Variants in POLR1H observed in about 807,000 individuals in gnomAD.
POLR1H encodes the protein RNA polymerase I subunit H.
In POLR1H, 5 loss-of-function variants were observed where a neutral mutation model predicts 15.8. The observed-to-expected ratio is 0.32, with a 90% CI of 0.17 to 0.67. The LOEUF is 0.67. POLR1H is among the 30% of genes least tolerant of loss of function. The pLI, the probability that POLR1H is intolerant of heterozygous loss-of-function variation, is 0.74. For synonymous variants in POLR1H, 43 were observed against 58.3 expected, an observed-to-expected ratio of 0.74 and a Z score of 1.20; for missense variants, 100 against 163.4, an observed-to-expected ratio of 0.61 and a Z score of 2.11.
intron 3 of POLR1H, 32 bp downstream of exon 3, chr6:30,062,365 C>G: frequency 6.9e-7 from 1 of 1,443,680 alleles, no homozygotes; most frequent in Non-Finnish European, 9.7e-7. Context: ...TCTGCTCAGT[C>G]TGTTTGCTAA....
chr6:30,061,834 C>A lies in POLR1H; in HGVS notation c.146-83C>A. 1.3e-6 allele frequency: 2 copies of A among 1,554,402 alleles called. No individual in the cohort carries two copies. The highest frequency in any genetic ancestry group is 8.8e-7 in the Non-Finnish European group (1 of 1,131,676). On this transcript the variant is annotated intron_variant, in intron 1 of 3. Transcript: ENST00000332435. This position sits in a 1 kb window ranked among gnomAD's most constrained non-coding sequence, Gnocchi z 5.0. Reference sequence around the variant, plus strand: ...GGGAAAGGATGTAGGGCCTCCTGGCCTAACCAGCCAGGGGAAAGGGGAGGT... The same window carrying A: ...GGGAAAGGATGTAGGGCCTCCTGGCATAACCAGCCAGGGGAAAGGGGAGGT...
In POLR1H at chr6:30,064,662, T is replaced by G; in HGVS notation, c.357-11T>G. The G allele has an allele frequency of 6.2e-7, 1 of 1,606,966 alleles. No individual in the cohort carries two copies. Among genetic ancestry groups the G allele is most frequent in the Non-Finnish European group, 8.5e-7 (1 of 1,177,794 alleles). On this transcript the variant is annotated splice_polypyrimidine_tract_variant and intron_variant, in intron 3 of 3. Coordinates refer to ENST00000332435, the MANE Select transcript of POLR1H (RefSeq NM_170783.4). ...TTTGGTGAATATAACAAGTCCTTTCTTTCCTCATAGGTTCCAGGAGAAGGA... is the reference window on the plus strand; with the variant it reads ...TTTGGTGAATATAACAAGTCCTTTCGTTCCTCATAGGTTCCAGGAGAAGGA...
In POLR1H at chr6:30,062,714, C is replaced by CCTTTTTTTTTTTTTTTTTTTTTTTTTTTT. The variant is rs749507630; in HGVS notation, c.356+381_356+382insCTTTTTTTTTTTTTTTTTTTTTTTTTTTT. Among the ~76,000 whole-genome samples, 7 of 42,388 alleles carry CCTTTTTTTTTTTTTTTTTTTTTTTTTTTT rather than the reference C, an allele frequency of 1.7e-4. 1 individual carries two copies. Among genetic ancestry groups the CCTTTTTTTTTTTTTTTTTTTTTTTTTTTT allele is most frequent in the Admixed American group, 6.0e-4 (2 of 3,338 alleles). The allele number at this position is 42,388 out of a possible 152,430, so 27.8% of individuals were successfully genotyped here. A position where few individuals can be genotyped will look rare whatever the true frequency, so the allele number is the denominator to read the frequency against. On this transcript the variant is annotated intron_variant, in intron 3 of 3. Coordinates refer to ENST00000332435, the MANE Select transcript of POLR1H (RefSeq NM_170783.4). ...CACAGACACATGCCACCACGCCTGG[C>CCTTTTTTTTTTTTTTTTTTTTTTTTTTTT]TTTTTTTTTTTTTTTTTTTTTTTTT... is the stretch of plus-strand genomic sequence containing the variant.
upstream of POLR1H, chr6:30,061,123 G>T: frequency 5.9e-6 from 1 of 169,126 alleles, no homozygotes; most frequent in African/African-American, 2.4e-5. The surrounding 1 kb of genome is among the most constrained non-coding windows in gnomAD (Gnocchi z 5.0). Flanking sequence ...AAGTGGAGAC[G>T]CAATCTCCCT....
chr6:30,061,267 A>G lies in POLR1H; in HGVS notation c.-258A>G. 1 of 404,030 alleles carries G rather than the reference A, an allele frequency of 2.5e-6. No individual in the cohort carries two copies. The highest frequency in any genetic ancestry group is 6.5e-5 in the South Asian group (1 of 15,370). The allele number at this position is 404,030 out of a possible 1,614,324, so 25.0% of individuals were successfully genotyped here. On this transcript the variant is annotated 5_prime_UTR_variant, in exon 1 of 4. Transcript: ENST00000332435. The surrounding 1 kb of genome is among the most constrained non-coding windows in gnomAD (Gnocchi z 5.0). The stretch of plus-strand genomic sequence containing the variant: ...TCTCGCTGCCCCGCCGCGGGCGCAG[A>G]GCTGGCGCTCTAGCCCACGGAGTTG...
rs1765095212 is a variant in POLR1H at position 30,061,774 on chromosome 6, G to A, written c.145+105G>A. The A allele has an allele frequency of 1.3e-6, 2 of 1,571,226 alleles. No individual in the cohort carries two copies. The highest frequency in any genetic ancestry group is 3.5e-5 in the Admixed American group (2 of 57,684). On this transcript the variant is annotated intron_variant, in intron 1 of 3. Coordinates refer to ENST00000332435, the MANE Select transcript of POLR1H (RefSeq NM_170783.4). This position sits in a 1 kb window ranked among gnomAD's most constrained non-coding sequence, Gnocchi z 5.0. ...GAGGGGATCCTAGAGCAGGACATCAGGCGGTTGTACATTTGGTCTAGCGAT... is the reference window on the plus strand; with the variant it reads ...GAGGGGATCCTAGAGCAGGACATCAAGCGGTTGTACATTTGGTCTAGCGAT...
chr6:30,064,292 C>CA (rs372351529), intron 3 of POLR1H, among the ~76,000 whole-genome samples: 13,306 of 143,964 alleles, frequency 0.092, 683 homozygotes, highest in Admixed American at 0.15. Flanking sequence ...GTCATTTTAC[C>CA]AAAAAAAAAA....
chr6:30,061,590 T>C lies in POLR1H; in HGVS notation c.66T>C (p.Asp22=). 1 of 1,613,090 alleles carries C rather than the reference T, an allele frequency of 6.2e-7. No individual in the cohort carries two copies. Among genetic ancestry groups the C allele is most frequent in the Middle Eastern group, 1.6e-4 (1 of 6,062 alleles). The change falls in exon 1 of 4, where the codon GAT becomes GAC. Residue 22 remains aspartate, a synonymous_variant. Transcript: ENST00000332435. The surrounding 1 kb of genome is among the most constrained non-coding windows in gnomAD (Gnocchi z 5.0). ...AGTCGGACCTGGATTTCTGTTCAGA[T>C]TGCGGCTCGGTCCTGCCTCTGCCCG... The part of the protein sequence containing the change: ...SFQSDLDFCS[D]CGSVLPLPGA...
chr6:30,061,624 G>GAT lies in POLR1H; in HGVS notation c.102_103dup (p.Thr35IlefsTer22). On this transcript the variant is annotated frameshift_variant, in exon 1 of 4. Transcript: ENST00000332435. LOFTEE classifies it high-confidence loss of function. This position sits in a 1 kb window ranked among gnomAD's most constrained non-coding sequence, Gnocchi z 5.0. The stretch of plus-strand genomic sequence containing the variant: ...GGTCCTGCCTCTGCCCGGGGCTCAG[G>GAT]ATACGGTCACCTGTATTCGCTGTGG... The GAT allele has an allele frequency of 6.2e-7, 1 of 1,613,054 alleles. No homozygotes were observed. The highest frequency in any genetic ancestry group is 8.5e-7 in the Non-Finnish European group (1 of 1,180,046).
At chr6:30,061,166 C>T (rs978179439), upstream of POLR1H, 1 of 212,692 alleles carries the variant, frequency 4.7e-6, no homozygotes, top group Non-Finnish European at 9.4e-6. The surrounding 1 kb of genome is among the most constrained non-coding windows in gnomAD (Gnocchi z 5.0). Context: ...CTAACGCTCC[C>T]GAGACACGGT....
chr6:30,060,084 T>C (rs942373157), upstream of POLR1H: 12 of 152,272 alleles, frequency 7.9e-5, no homozygotes, highest in African/African-American at 2.9e-4. Context: ...CACAGTTAAA[T>C]GATAGGGCTT....
chr6:30,061,242 T>G (rs1478310533), upstream of POLR1H: 3 of 378,822 alleles, frequency 7.9e-6, no homozygotes, highest in Non-Finnish European at 1.4e-5. This position sits in a 1 kb window ranked among gnomAD's most constrained non-coding sequence, Gnocchi z 5.0. Context: ...GCCGGCTCTA[T>G]CTCGCTGCCC....
chr6:30,060,496 A>T (rs1764934829), upstream of POLR1H: 1 of 152,190 alleles, frequency 6.6e-6, no homozygotes, highest in Non-Finnish European at 1.5e-5. Context: ...GCACAACTAA[A>T]AGCCAAACTC....
At chr6:30,060,132 A>C (rs1764905255), upstream of POLR1H, 1 of 152,218 alleles carries the variant, frequency 6.6e-6, no homozygotes, top group East Asian at 1.9e-4. Context: ...TAACCCTTTC[A>C]CTATGGCGTT....
In POLR1H at chr6:30,063,314, T is replaced by C. The variant is rs9261277; in HGVS notation, c.356+981T>C. The stretch of plus-strand genomic sequence containing the variant: ...CTCACCTTCTTTTCATATTTTCAAT[T>C]GCTGTTCTCTTTATGCCACCTTCTG... On this transcript the variant is annotated intron_variant, in intron 3 of 3. Coordinates refer to ENST00000332435, the MANE Select transcript of POLR1H (RefSeq NM_170783.4). The surrounding 1 kb of genome is among the most constrained non-coding windows in gnomAD (Gnocchi z 4.1). Among the ~76,000 whole-genome samples, 22,539 of 152,066 alleles carry C rather than the reference T, an allele frequency of 0.15. 2,235 individuals are homozygous for C. Among genetic ancestry groups the C allele is most frequent in the African/African-American group, 0.27 (11,068 of 41,476 alleles).
At chr6:30,064,522 G>C in intron 3 of POLR1H, 151 bp from the exon 4 acceptor site, 2 of 565,808 alleles carry the variant, frequency 3.5e-6, no homozygotes, top group Non-Finnish European at 5.9e-6. Context: ...TAGTTGTCTT[G>C]GAATTAGAAT....
In POLR1H at chr6:30,064,799, C is replaced by T. The variant is rs370811062; in HGVS notation, c.*102C>T. On this transcript the variant is annotated 3_prime_UTR_variant, in exon 4 of 4. Transcript: ENST00000332435. Reference sequence around the variant, plus strand: ...CATCCTGTCTGGTTGCAATGTTTTGCTCCCAGAAGAGAATCAGATCATCAT... The same window carrying T: ...CATCCTGTCTGGTTGCAATGTTTTGTTCCCAGAAGAGAATCAGATCATCAT... 7 of 1,045,560 alleles carry T rather than the reference C, an allele frequency of 6.7e-6. No homozygotes were observed. Among genetic ancestry groups the T allele is most frequent in the Non-Finnish European group, 1.0e-5 (7 of 702,136 alleles). 64.8% of individuals were successfully genotyped at this position (1,045,560 alleles called of 1,614,324 possible).
At chr6:30,064,041 T>C (rs1477950272) in intron 3 of POLR1H, among the ~76,000 whole-genome samples, 1 of 152,210 alleles carries the variant, frequency 6.6e-6, no homozygotes, top group Non-Finnish European at 1.5e-5. Context: ...TCAGACCTTA[T>C]ACATTTTGTC....
At position 30,063,598 on chromosome 6, in the gene POLR1H, T is replaced by C. The variant is rs942897024; in HGVS notation, c.357-1075T>C. Among the ~76,000 whole-genome samples, 1 of 152,094 alleles carries C rather than the reference T, an allele frequency of 6.6e-6. No homozygotes were observed. Among genetic ancestry groups the C allele is most frequent in the Non-Finnish European group, 1.5e-5 (1 of 67,996 alleles). ...TTCTGATATCTGCGGATTTTGTGTG[T>C]CTGATGCTGCTGTCTTTTGTTTCTG... On this transcript the variant is annotated intron_variant, in intron 3 of 3. Transcript: ENST00000332435. This position sits in a 1 kb window ranked among gnomAD's most constrained non-coding sequence, Gnocchi z 4.1.
Sources: allele counts gnomAD v4.1 joint callset (sites outside exome capture counted in the v4.1 genomes callset), GRCh38; gene constraint gnomAD v4.1.1; non-coding constraint Gnocchi (gnomAD v3.1); transcripts MANE v1.5; gene names NCBI Gene and HGNC (gene_info 2026-07-23, HGNC 2026-07-21).